The following MBOAT2 variants were observed in gnomAD, a reference collection of about 807,000 sequenced individuals.
MBOAT2 encodes the protein membrane bound glycerophospholipid O-acyltransferase 2.
MBOAT2 carries 28 observed loss-of-function variants against 63.4 expected under a neutral mutation model. That is an observed-to-expected ratio of 0.44 (90% CI 0.33 to 0.61). The LOEUF (loss-of-function observed/expected upper bound fraction) is 0.61, where lower values mean the gene tolerates loss of function less well. Ranked by LOEUF, MBOAT2 falls within the 20% of genes least tolerant of loss-of-function variation. The probability of loss-of-function intolerance (pLI) is 0.03; values close to 1 mark genes in which losing one functional copy is unlikely to be tolerated. For synonymous variants in MBOAT2, 211 were observed against 215.6 expected, an observed-to-expected ratio of 0.98 and a Z score of 0.19; for missense variants, 470 against 605.8, an observed-to-expected ratio of 0.78 and a Z score of 2.35.
chr2:8,949,008 T>C (rs1668622954), intron 2 of MBOAT2, among the ~76,000 whole-genome samples: 1 of 152,198 alleles, frequency 6.6e-6, no homozygotes, highest in East Asian at 1.9e-4. Flanking sequence ...CCGTTGTGTT[T>C]TGACTTTTTA....
chr2:8,917,933 T>C (rs1282411242), intron 3 of MBOAT2, among the ~76,000 whole-genome samples: 2 of 152,214 alleles, frequency 1.3e-5, no homozygotes, highest in Non-Finnish European at 2.9e-5. Context: ...GGATGAGTTT[T>C]TTAAACATTA....
intron 3 of MBOAT2, among the ~76,000 whole-genome samples, chr2:8,927,803 T>C (rs775472501): frequency 6.6e-6 from 1 of 152,138 alleles, no homozygotes; most frequent in Non-Finnish European, 1.5e-5. Flanking sequence ...CATCCAAATG[T>C]GGGTGGTCCT....
intron 9 of MBOAT2, among the ~76,000 whole-genome samples, chr2:8,866,570 T>C (rs1661913280): frequency 1.3e-5 from 2 of 152,246 alleles, no homozygotes; most frequent in African/African-American, 4.8e-5. Flanking sequence ...TAAAGACTTT[T>C]TAAAAGACCA....
chr2:8,895,313 A>G (rs183406355), intron 4 of MBOAT2, among the ~76,000 whole-genome samples: 98 of 150,388 alleles, frequency 6.5e-4, no homozygotes, highest in African/African-American at 2.2e-3. Flanking sequence ...ACAGAGTGCT[A>G]ATTGGTCCGT....
intron 3 of MBOAT2, among the ~76,000 whole-genome samples, chr2:8,926,093 AG>A (rs1431548643): frequency 6.6e-6 from 1 of 152,090 alleles, no homozygotes; most frequent in Non-Finnish European, 1.5e-5. Context: ...TCTTAGCAAC[AG>A]GTTTCTTTTG....
rs541540635 is a variant in MBOAT2 at position 8,854,824 on chromosome 2, G to A, written c.*3855C>T. The stretch of plus-strand genomic sequence containing the variant: ...AAATTTTAAAGCTATTGTTTTCTGC[G>A]GTTTAAAATAAGGTGTAACTAAACT... On this transcript the variant is annotated 3_prime_UTR_variant, in exon 13 of 13. Coordinates refer to ENST00000305997, the MANE Select transcript of MBOAT2 (RefSeq NM_138799.4). The A allele has an allele frequency of 3.9e-5, 6 of 152,008 alleles. No individual in the cohort carries two copies. The highest frequency in any genetic ancestry group is 4.2e-4 in the South Asian group (2 of 4,794). 9.4% of individuals were successfully genotyped at this position (152,008 alleles called of 1,614,324 possible).
At chr2:8,897,072 A>T (rs1186527479) in intron 4 of MBOAT2, among the ~76,000 whole-genome samples, 2 of 152,192 alleles carry the variant, frequency 1.3e-5, no homozygotes, top group African/African-American at 4.8e-5. Context: ...AGGTTTTAAA[A>T]TTTACCCTGG....
Position 8,862,353 on chromosome 2 carries a change from C to T in MBOAT2, c.1185+237G>A, listed in dbSNP as rs1661553420. On this transcript the variant is annotated intron_variant, in intron 11 of 12. Transcript: ENST00000305997. The surrounding 1 kb of genome is among the most constrained non-coding windows in gnomAD (Gnocchi z 4.3). Reference sequence around the variant, plus strand: ...AAGACAAAGTAACATTTTGTGAGTGCCTCCTACCTGCCGGGCACATAGAAA... The same window carrying T: ...AAGACAAAGTAACATTTTGTGAGTGTCTCCTACCTGCCGGGCACATAGAAA... The T allele has an allele frequency of 1.4e-6, 2 of 1,438,616 alleles. No individual in the cohort carries two copies. The highest frequency in any genetic ancestry group is 1.2e-5 in the South Asian group (1 of 81,362). 89.1% of individuals were successfully genotyped at this position (1,438,616 alleles called of 1,614,324 possible).
intron 4 of MBOAT2, among the ~76,000 whole-genome samples, chr2:8,901,084 A>C (rs1217493040): frequency 6.6e-6 from 1 of 152,010 alleles, no homozygotes; most frequent in Non-Finnish European, 1.5e-5. Context: ...CAGTCCCTGG[A>C]CCCTGCTGAT....
At chr2:8,921,890 T>C (rs1373208382) in intron 3 of MBOAT2, among the ~76,000 whole-genome samples, 9 of 152,198 alleles carry the variant, frequency 5.9e-5, no homozygotes, top group Admixed American at 5.9e-4. Flanking sequence ...GTTGAGCTTC[T>C]TGGATCCACA....
At chr2:8,866,238 G>A (rs1572916735) in intron 9 of MBOAT2, among the ~76,000 whole-genome samples, 1 of 151,852 alleles carries the variant, frequency 6.6e-6, no homozygotes, top group East Asian at 1.9e-4. Flanking sequence ...CGTTCTTAAG[G>A]GGCAAAAATA....
intron 4 of MBOAT2, among the ~76,000 whole-genome samples, chr2:8,900,739 A>G (rs1664861055): frequency 2.0e-5 from 3 of 152,160 alleles, no homozygotes; most frequent in African/African-American, 7.2e-5. Context: ...ATACTTGTGT[A>G]TTCTCCTTCA....
intron 10 of MBOAT2, among the ~76,000 whole-genome samples, chr2:8,863,315 G>A (rs1661620317): frequency 2.0e-5 from 3 of 152,150 alleles, no homozygotes; most frequent in African/African-American, 7.2e-5. Flanking sequence ...GGATAAAGAT[G>A]TTTAATTTGT....
intron 3 of MBOAT2, among the ~76,000 whole-genome samples, chr2:8,930,937 T>A (rs1377125583): frequency 6.6e-6 from 1 of 152,236 alleles, no homozygotes; most frequent in Non-Finnish European, 1.5e-5. Context: ...ACTGTCACTC[T>A]GCTCAATAAA....
chr2:8,867,850 C>T (rs552759732), intron 9 of MBOAT2, among the ~76,000 whole-genome samples: 2 of 152,222 alleles, frequency 1.3e-5, no homozygotes, highest in Non-Finnish European at 2.9e-5. Flanking sequence ...TTCTAAAACA[C>T]CTATATGATC....
At position 8,860,645 on chromosome 2, in the gene MBOAT2, A is replaced by C. The variant is rs1445003780; in HGVS notation, c.1305T>G (p.Leu435=). 2.5e-6 allele frequency: 4 copies of C among 1,613,222 alleles called. No individual in the cohort carries two copies. Among genetic ancestry groups the C allele is most frequent in the African/African-American group, 1.3e-5 (1 of 74,900 alleles). Residue 435 remains leucine, a synonymous_variant, in exon 12 of 13, where the codon CTT becomes CTG. Coordinates refer to ENST00000305997, the MANE Select transcript of MBOAT2 (RefSeq NM_138799.4). ...AISYTVVPFV[L]LSIKPSLTFY... is the part of the protein sequence containing the mutation. ...ACGTGAGTGATGGTTTTATAGAAAG[A>C]AGCACAAATGGCACAACTGTGTAAC...
intron 1 of MBOAT2, among the ~76,000 whole-genome samples, chr2:8,990,118 T>G (rs1671825073): frequency 6.6e-6 from 1 of 152,224 alleles, no homozygotes; most frequent in Non-Finnish European, 1.5e-5. Flanking sequence ...CCCTCTGCTC[T>G]CTGAAATTTG....
At chr2:8,858,968 C>T in intron 12 of MBOAT2, 64 bp from the exon 13 acceptor site, 1 of 1,222,120 alleles carries the variant, frequency 8.2e-7, no homozygotes, top group Non-Finnish European at 1.1e-6. Flanking sequence ...TAACTGCACA[C>T]TTGTCAAAAT....
chr2:8,874,377 CCTATA>C (rs1314105813), intron 7 of MBOAT2, among the ~76,000 whole-genome samples: 1 of 152,010 alleles, frequency 6.6e-6, no homozygotes, highest in Non-Finnish European at 1.5e-5. Context: ...AAATATCTTA[CCTATA>C]CATTTGAATT....
Sources: gnomAD v4.1 joint callset for allele counts (sites outside exome capture counted in the v4.1 genomes callset) on GRCh38, gnomAD v4.1.1 for gene constraint, Gnocchi (gnomAD v3.1) non-coding constraint, MANE v1.5 for transcripts, NCBI Gene and HGNC (gene_info 2026-07-23, HGNC 2026-07-21) for gene names.